Variants in MSRB3 observed in about 807,000 individuals in gnomAD.
MSRB3 encodes the protein methionine-R-sulfoxide reductase B3.
Under a neutral mutation model 21.0 loss-of-function variants are expected in MSRB3, and 13 were observed. The ratio of observed to expected loss-of-function variants is 0.62; its 90% CI spans 0.40 to 0.98. MSRB3 has a LOEUF of 0.98. MSRB3 is among the 50% of genes least tolerant of loss of function. The pLI is 0.00. For missense variants in MSRB3, 199 were observed against 230.3 expected, an observed-to-expected ratio of 0.86 and a Z score of 0.88; for synonymous variants, 87 against 88.6, an observed-to-expected ratio of 0.98 and a Z score of 0.10.
intron 4 of MSRB3, among the ~76,000 whole-genome samples, chr12:65,349,802 G>C (rs1278815127): frequency 2.0e-5 from 3 of 151,630 alleles, no homozygotes; most frequent in African/African-American, 7.3e-5. Flanking sequence ...GTAGATTCTG[G>C]ATATTAGCCC....
intron 1 of MSRB3, chr12:65,307,093 T>C: frequency 1.0e-6 from 1 of 952,614 alleles, no homozygotes; most frequent in Non-Finnish European, 1.3e-6. Context: ...AATACATTTT[T>C]ATTTATAGTG....
intron 5 of MSRB3, among the ~76,000 whole-genome samples, chr12:65,400,195 A>G (rs1050257955): frequency 6.8e-6 from 1 of 147,660 alleles, no homozygotes; most frequent in Non-Finnish European, 1.5e-5. Flanking sequence ...TCCTGTTTGT[A>G]CCTCTGGTAG....
intron 2 of MSRB3, among the ~76,000 whole-genome samples, chr12:65,310,995 T>G (rs1873952541): frequency 6.6e-6 from 1 of 152,238 alleles, no homozygotes; most frequent in African/African-American, 2.4e-5. Context: ...ATGTCTTCAC[T>G]ATGTTCAATA....
At chr12:65,289,354 C>T (rs889496986) in intron 1 of MSRB3, among the ~76,000 whole-genome samples, 6 of 152,120 alleles carry the variant, frequency 3.9e-5, no homozygotes, top group Non-Finnish European at 7.4e-5. Flanking sequence ...AGTTAGCCGG[C>T]ATGGTGGCAC....
chr12:65,428,719 C>T (rs143037279), intron 5 of MSRB3, among the ~76,000 whole-genome samples: 33 of 152,086 alleles, frequency 2.2e-4, no homozygotes, highest in African/African-American at 7.0e-4. Context: ...CAATCAAAGG[C>T]TTTCATGACC....
chr12:65,319,424 T>C (rs1252394537), intron 2 of MSRB3, among the ~76,000 whole-genome samples: 1 of 152,142 alleles, frequency 6.6e-6, no homozygotes, highest in Admixed American at 6.6e-5. Context: ...TTGGTATTAT[T>C]TGAGTTTTCT....
intron 4 of MSRB3, among the ~76,000 whole-genome samples, chr12:65,367,263 A>G (rs1426892197): frequency 1.3e-5 from 2 of 152,248 alleles, no homozygotes; most frequent in African/African-American, 4.8e-5. Context: ...GATTTGAAGG[A>G]GGCCTTTAAA....
intron 5 of MSRB3, among the ~76,000 whole-genome samples, chr12:65,429,830 A>G (rs964492848): frequency 1.3e-5 from 2 of 152,200 alleles, no homozygotes; most frequent in African/African-American, 4.8e-5. Flanking sequence ...CACAGTTCAT[A>G]CAGACCTCTA....
chr12:65,337,199 C>T (rs976555418), intron 4 of MSRB3, among the ~76,000 whole-genome samples: 1 of 151,714 alleles, frequency 6.6e-6, no homozygotes. Flanking sequence ...GCGGAGATCG[C>T]GCCACAGCAC....
At chr12:65,290,617 T>A (rs1872616031) in intron 1 of MSRB3, among the ~76,000 whole-genome samples, 1 of 152,242 alleles carries the variant, frequency 6.6e-6, no homozygotes, top group Non-Finnish European at 1.5e-5. Flanking sequence ...GGGAAAAGTA[T>A]GCCTTATTTG....
chr12:65,352,340 A>G lies in MSRB3; in HGVS notation c.264-16658A>G, dbSNP rs565685731. 7.1e-3 allele frequency among the ~76,000 whole-genome samples: 1,073 copies of G among 150,678 alleles called. 18 individuals carry two copies. The highest frequency in any genetic ancestry group is 0.026 in the African/African-American group (1,036 of 40,026). On this transcript the variant is annotated intron_variant, in intron 4 of 6. Transcript: ENST00000308259. ...AAAATAATAAGAGCTATCTATGAGAAACCCACAGCCAATATCATACTGAAT... is the reference window on the plus strand; with the variant it reads ...AAAATAATAAGAGCTATCTATGAGAGACCCACAGCCAATATCATACTGAAT...
chr12:65,357,692 T>C (rs1214790672), intron 4 of MSRB3, among the ~76,000 whole-genome samples: 2 of 151,962 alleles, frequency 1.3e-5, no homozygotes, highest in Non-Finnish European at 2.9e-5. Flanking sequence ...TTGATGACCT[T>C]GGCAGGTTTG....
At chr12:65,383,361 A>G (rs1214861293) in intron 5 of MSRB3, among the ~76,000 whole-genome samples, 1 of 152,158 alleles carries the variant, frequency 6.6e-6, no homozygotes, top group Admixed American at 6.5e-5. Context: ...CATGATTGTG[A>G]TAAGTATGAA....
intron 1 of MSRB3, among the ~76,000 whole-genome samples, chr12:65,297,095 T>C (rs897807560): frequency 1.3e-5 from 2 of 152,158 alleles, no homozygotes; most frequent in Non-Finnish European, 2.9e-5. Context: ...TGGAAGCCAT[T>C]ATCCTCAGCA....
At chr12:65,334,259 A>G (rs7296785) in intron 4 of MSRB3, among the ~76,000 whole-genome samples, 12,650 of 152,252 alleles carry the variant, frequency 0.083, 1,790 homozygotes, top group African/African-American at 0.29. Context: ...AGCACTTACC[A>G]TATGTCAGGC....
At chr12:65,418,176 C>T (rs1022800897) in intron 5 of MSRB3, among the ~76,000 whole-genome samples, 1 of 152,188 alleles carries the variant, frequency 6.6e-6, no homozygotes, top group African/African-American at 2.4e-5. Flanking sequence ...ATGATCCTGG[C>T]TCACTGCAGC....
chr12:65,326,932 A>G lies in MSRB3; in HGVS notation c.183A>G (p.Glu61=). 1 of 1,611,140 alleles carries G rather than the reference A, an allele frequency of 6.2e-7. No homozygotes were observed. Among genetic ancestry groups the G allele is most frequent in the East Asian group, 2.2e-5 (1 of 44,866 alleles). The change falls in exon 3 of 7, where the codon GAA becomes GAG. Residue 61 remains glutamate (E), a splice_region_variant and synonymous_variant. Transcript: ENST00000308259. ...QYHVTQEKGT[E]SAFEGEYTHH... ...ATGTCACTCAGGAGAAAGGGACCGA[A>G]AGGTAAGGTGAGCTTTAATAAAAAG...
intron 4 of MSRB3, 49 bp from the exon 5 acceptor site, chr12:65,368,949 T>C (rs758613592): frequency 1.8e-6 from 1 of 562,366 alleles, no homozygotes; most frequent in South Asian, 1.6e-5. Context: ...AAATAATTGT[T>C]CTTTTACAAA....
At chr12:65,413,357 T>G (rs1385392356) in intron 5 of MSRB3, among the ~76,000 whole-genome samples, 1 of 152,220 alleles carries the variant, frequency 6.6e-6, no homozygotes, top group Non-Finnish European at 1.5e-5. Flanking sequence ...ATAAATACTC[T>G]TGAGGTCAGC....
Sources: gnomAD v4.1 joint callset for allele counts (sites outside exome capture counted in the v4.1 genomes callset) on GRCh38, gnomAD v4.1.1 for gene constraint, MANE v1.5 for transcripts, NCBI Gene and HGNC (gene_info 2026-07-23, HGNC 2026-07-21) for gene names.